The following SPHKAP variants were observed in gnomAD, a reference collection of about 807,000 sequenced individuals.
The protein encoded by SPHKAP is A-kinase anchor protein SPHKAP.
In SPHKAP, 67 loss-of-function variants were observed where a neutral mutation model predicts 137.5. The ratio of observed to expected loss-of-function variants is 0.49; its 90% confidence interval spans 0.40 to 0.60. The LOEUF (loss-of-function observed/expected upper bound fraction) is 0.60, where lower values mean the gene tolerates loss of function less well. Among genes scored for constraint, SPHKAP ranks in the 20% least tolerant of loss-of-function variants. SPHKAP has a pLI of 0.00. For synonymous variants in SPHKAP, 813 were observed against 785.3 expected, an observed-to-expected ratio of 1.04 and a Z score of -0.59; for missense variants, 2,097 against 2,069.3, an observed-to-expected ratio of 1.01 and a Z score of -0.26.
intron 3 of SPHKAP, among the ~76,000 whole-genome samples, chr2:228,045,546 A>G (rs1696010590): frequency 6.6e-6 from 1 of 151,946 alleles, no homozygotes; most frequent in African/African-American, 2.4e-5. Flanking sequence ...GGAATTGAAC[A>G]ATGAGAACAC....
chr2:228,092,324 T>TGC (rs1559169026), intron 3 of SPHKAP, among the ~76,000 whole-genome samples: 7 of 102,750 alleles, frequency 6.8e-5, no homozygotes, highest in Non-Finnish European at 1.1e-4. Context: ...TGTGTATACG[T>TGC]ACACACACAC....
chr2:228,006,034 C>T (rs573687328), intron 7 of SPHKAP, among the ~76,000 whole-genome samples: 2 of 152,068 alleles, frequency 1.3e-5, no homozygotes, highest in Admixed American at 6.5e-5. Flanking sequence ...TTGCTCTTCT[C>T]GAGGAGTATC....
At chr2:228,006,206 C>T (rs1465466426) in intron 7 of SPHKAP, among the ~76,000 whole-genome samples, 1 of 152,164 alleles carries the variant, frequency 6.6e-6, no homozygotes, top group Non-Finnish European at 1.5e-5. Flanking sequence ...TCTTTTCACA[C>T]AGTCCCATAT....
chr2:228,063,005 C>T (rs1206821365), intron 3 of SPHKAP, among the ~76,000 whole-genome samples: 1 of 152,102 alleles, frequency 6.6e-6, no homozygotes, highest in Non-Finnish European at 1.5e-5. Flanking sequence ...ATTATGTGTT[C>T]TGAACAGAAA....
In SPHKAP at chr2:228,046,291, C is replaced by CTTTTTTTTTTTTTT. The variant is rs58510792; in HGVS notation, c.247-18762_247-18749dup. Among the ~76,000 whole-genome samples the CTTTTTTTTTTTTTT allele has an allele frequency of 2.1e-3, 177 of 82,474 alleles. 2 individuals carry two copies. The highest frequency in any genetic ancestry group is 3.1e-3 in the African/African-American group (63 of 20,528). The allele number at this position is 82,474 out of a possible 152,430, so 54.1% of individuals were successfully genotyped here. A position where few individuals can be genotyped will look rare whatever the true frequency, so the allele number is the denominator to read the frequency against. ...CTGCATGCTGAATACTGTTGTTATT[C>CTTTTTTTTTTTTTT]TTTTTTTTTTTTTTTTTTTTTGGTC... On this transcript the variant is annotated intron_variant, in intron 3 of 11. Coordinates refer to ENST00000392056, the MANE Select transcript of SPHKAP (RefSeq NM_001142644.2).
intron 3 of SPHKAP, among the ~76,000 whole-genome samples, chr2:228,093,949 G>A (rs187075388): frequency 6.6e-6 from 1 of 151,666 alleles, no homozygotes; most frequent in East Asian, 1.9e-4. Context: ...TGGTATGCCT[G>A]GGAAGTGATG....
intron 2 of SPHKAP, among the ~76,000 whole-genome samples, chr2:228,128,233 T>C (rs1699138418): frequency 6.6e-6 from 1 of 152,210 alleles, no homozygotes; most frequent in Non-Finnish European, 1.5e-5. Flanking sequence ...TGCTGCTGTG[T>C]TATCAATTAA....
At chr2:228,010,402 T>C (rs192204236) in intron 7 of SPHKAP, among the ~76,000 whole-genome samples, 2 of 152,192 alleles carry the variant, frequency 1.3e-5, no homozygotes, top group Admixed American at 1.3e-4. Flanking sequence ...TGTGGTGGCA[T>C]GTGCCTGTAG....
chr2:228,019,758 G>T lies in SPHKAP; in HGVS notation c.1096C>A (p.Leu366Ile). ...GTGTCTTCATGGTCTCCTGGGTTTA[G>T]GTTGCTTCTCTGCTCTGCCACAGCA... ...ACAVAEQRSNLNPGDHEDTRN... is the reference protein window; with the variant it reads ...ACAVAEQRSNINPGDHEDTRN... The change falls in exon 7 of 12, where the codon CTA becomes ATA. Residue 366 changes from leucine to isoleucine, a missense_variant. Coordinates refer to ENST00000392056, the MANE Select transcript of SPHKAP (RefSeq NM_001142644.2). The T allele has an allele frequency of 1.2e-6, 2 of 1,614,142 alleles. No individual in the cohort carries two copies. Among genetic ancestry groups the T allele is most frequent in the Non-Finnish European group, 1.7e-6 (2 of 1,180,018 alleles).
chr2:228,161,360 A>T (rs1294310172), intron 1 of SPHKAP, among the ~76,000 whole-genome samples: 1 of 152,222 alleles, frequency 6.6e-6, no homozygotes, highest in African/African-American at 2.4e-5. Flanking sequence ...GAGGCTACTG[A>T]GTTGGCCCAA....
rs751157752 is a variant in SPHKAP, at chr2:228,017,349, G to T, written c.3505C>A (p.Arg1169=). 1.2e-6 allele frequency: 2 copies of T among 1,613,706 alleles called. No individual in the cohort carries two copies. Among genetic ancestry groups the T allele is most frequent in the Admixed American group, 3.3e-5 (2 of 60,002 alleles). Residue 1169 remains arginine (R), a synonymous_variant, in exon 7 of 12, where the codon CGG becomes AGG. Coordinates refer to ENST00000392056, the MANE Select transcript of SPHKAP (RefSeq NM_001142644.2). ...CTCACACTGAGGTGGTCACTTTTCC[G>T]GCACGCCTGTTGCATGGCTGAGTTC... ...ILNSAMQQAC[R]KSDHLSVRPS...
chr2:228,072,442 C>A lies in SPHKAP; in HGVS notation c.246+36390G>T, dbSNP rs1697033615. The stretch of plus-strand genomic sequence containing the variant: ...ATGCTAGACCAGACACATTGAGAAG[C>A]TACTTTTGCATGATGTGACACTGCA... On this transcript the variant is annotated intron_variant, in intron 3 of 11. Transcript: ENST00000392056. Among the ~76,000 whole-genome samples the A allele has an allele frequency of 3.9e-5, 6 of 152,086 alleles. No individual in the cohort carries two copies. The South Asian group carries it at 1.0e-3, about 26-fold the overall frequency.
At chr2:228,007,310 A>T (rs1471856644) in intron 7 of SPHKAP, among the ~76,000 whole-genome samples, 1 of 152,162 alleles carries the variant, frequency 6.6e-6, no homozygotes, top group Non-Finnish European at 1.5e-5. Flanking sequence ...AAATATTTAT[A>T]TTTTTGATGA....
chr2:228,105,350 A>G (rs539736391), intron 3 of SPHKAP, among the ~76,000 whole-genome samples: 7 of 152,220 alleles, frequency 4.6e-5, no homozygotes, highest in Non-Finnish European at 1.0e-4. Flanking sequence ...CTCTATCAAG[A>G]TAATGTCTCA....
chr2:227,993,496 A>G, intron 9 of SPHKAP, 38 bp downstream of exon 9: 5 of 1,532,948 alleles, frequency 3.3e-6, no homozygotes, highest in Non-Finnish European at 4.5e-6. Context: ...GAATTGGAGT[A>G]GTGGTCTCAC....
At chr2:228,062,337 C>A (rs1227171431) in intron 3 of SPHKAP, among the ~76,000 whole-genome samples, 3 of 152,048 alleles carry the variant, frequency 2.0e-5, no homozygotes, top group Non-Finnish European at 1.5e-5. Flanking sequence ...GTCAGCCAGG[C>A]TGGTCTCGAA....
At chr2:228,051,330 C>A (rs762854126) in intron 3 of SPHKAP, among the ~76,000 whole-genome samples, 7 of 152,056 alleles carry the variant, frequency 4.6e-5, no homozygotes, top group Non-Finnish European at 1.0e-4. Context: ...TTTCTATATC[C>A]ATAGGAAAAA....
chr2:228,057,324 CAATAA>C (rs916600780), intron 3 of SPHKAP, among the ~76,000 whole-genome samples: 130 of 152,202 alleles, frequency 8.5e-4, no homozygotes, highest in African/African-American at 3.0e-3. Context: ...GGATAGTAGG[CAATAA>C]AATATTCAAA....
chr2:228,071,543 C>T (rs549513311), intron 3 of SPHKAP, among the ~76,000 whole-genome samples: 6 of 152,280 alleles, frequency 3.9e-5, no homozygotes, highest in African/African-American at 1.2e-4. Context: ...CACTTTTTCT[C>T]AAGTCATATC....
Sources: gnomAD v4.1 joint callset for allele counts (sites outside exome capture counted in the v4.1 genomes callset) on GRCh38, gnomAD v4.1.1 for gene constraint, MANE v1.5 for transcripts, NCBI Gene and HGNC (gene_info 2026-07-23, HGNC 2026-07-21) for gene names.